GSG1L: variants seen among roughly 807,000 people sequenced by gnomAD.
GSG1L encodes the protein GSG1 like, also known as germ cell-specific gene 1-like protein.
A neutral mutation model predicts 42.1 loss-of-function variants in GSG1L; 24 were observed. That is an observed-to-expected ratio of 0.57 (90% CI 0.41 to 0.80). GSG1L has a LOEUF of 0.80. GSG1L is among the 30% of genes least tolerant of loss of function. The pLI, the probability that GSG1L is intolerant of heterozygous loss-of-function variation, is 0.00. For missense variants in GSG1L, 445 were observed against 472.2 expected (o/e 0.94, Z 0.53); for synonymous variants, 215 against 203.5 (o/e 1.06, Z -0.48).
At position 27,791,471 on chromosome 16, in the gene GSG1L, C is replaced by T; in HGVS notation, c.899-4G>A. On this transcript the variant is annotated splice_region_variant and splice_polypyrimidine_tract_variant and intron_variant, in intron 6 of 6. Coordinates refer to ENST00000447459, the MANE Select transcript of GSG1L (RefSeq NM_001109763.2). ...TCCGCCATGTGTGGCTGGTGTCCTG[C>T]CAGGAGACAAGGCGGTCAGTGCTGA... 4.1e-6 allele frequency: 6 copies of T among 1,475,490 alleles called. No individual in the cohort carries two copies. The highest frequency in any genetic ancestry group is 2.6e-5 in the East Asian group (1 of 39,012). 91.4% of individuals were successfully genotyped at this position (1,475,490 alleles called of 1,614,324 possible). A position where few individuals can be genotyped will look rare whatever the true frequency, so the allele number is the denominator to read the frequency against.
chr16:28,062,680 G>A (rs890126717), intron 1 of GSG1L, among the ~76,000 whole-genome samples: 4 of 152,174 alleles, frequency 2.6e-5, no homozygotes, highest in Admixed American at 2.0e-4. Flanking sequence ...GGTGGGTGGG[G>A]GCATCTAGTG....
At chr16:27,912,811 C>A (rs1033569891) in intron 2 of GSG1L, among the ~76,000 whole-genome samples, 1 of 151,960 alleles carries the variant, frequency 6.6e-6, no homozygotes, top group Non-Finnish European at 1.5e-5. Flanking sequence ...TTCATAATGG[C>A]ACAGTTTGAA....
chr16:27,870,421 CTCTG>C (rs767471474), intron 3 of GSG1L, among the ~76,000 whole-genome samples: 6 of 151,270 alleles, frequency 4.0e-5, no homozygotes, highest in South Asian at 2.1e-4. Context: ...CTCCTTCTCT[CTCTG>C]TCTGTCTCCA....
chr16:27,889,064 G>T (rs2084092423), intron 2 of GSG1L, among the ~76,000 whole-genome samples: 1 of 152,012 alleles, frequency 6.6e-6, no homozygotes, highest in South Asian at 2.1e-4. Flanking sequence ...GTTCACTGCA[G>T]CCACTAACTC....
chr16:28,015,932 C>T (rs1331946889), intron 1 of GSG1L, among the ~76,000 whole-genome samples: 1 of 152,208 alleles, frequency 6.6e-6, no homozygotes, highest in Non-Finnish European at 1.5e-5. Flanking sequence ...CTACAAAGTC[C>T]TTCCCACCTC....
At chr16:27,891,824 G>A (rs1043391469) in intron 2 of GSG1L, among the ~76,000 whole-genome samples, 1 of 145,362 alleles carries the variant, frequency 6.9e-6, no homozygotes, top group Admixed American at 7.0e-5. Flanking sequence ...TTTCATTCAA[G>A]TGTCTTCACT....
chr16:27,825,400 C>G (rs705910), intron 5 of GSG1L, among the ~76,000 whole-genome samples: 90,991 of 152,072 alleles, frequency 0.6, 27,815 homozygotes, highest in African/African-American at 0.71. Flanking sequence ...GCCAGGCATA[C>G]TGGCTCATGC....
Position 28,063,602 on chromosome 16 carries a change from G to A in GSG1L, c.-178C>T, listed in dbSNP as rs1266787338. Reference sequence around the variant, plus strand: ...CCCCCCAACCCCGGGGTGGGGGCGCGGCGCGGGGGGCGTGCGGGGCGGGCT... The same window carrying A: ...CCCCCCAACCCCGGGGTGGGGGCGCAGCGCGGGGGGCGTGCGGGGCGGGCT... On this transcript the variant is annotated 5_prime_UTR_variant, in exon 1 of 7. Coordinates refer to ENST00000447459, the MANE Select transcript of GSG1L (RefSeq NM_001109763.2). The surrounding 1 kb of genome is among the most constrained non-coding windows in gnomAD (Gnocchi z 5.8). 6.1e-6 allele frequency: 1 copy of A among 163,320 alleles called. No homozygotes were observed. The highest frequency in any genetic ancestry group is 1.2e-5 in the Non-Finnish European group (1 of 80,506). The allele number at this position is 163,320 out of a possible 1,614,324, so 10.1% of individuals were successfully genotyped here.
intron 1 of GSG1L, among the ~76,000 whole-genome samples, chr16:28,006,969 T>C (rs1286119338): frequency 6.6e-6 from 1 of 152,156 alleles, no homozygotes. Flanking sequence ...AGGGGTTATC[T>C]GCGCCTGGTC....
chr16:28,023,401 T>C (rs997300993), intron 1 of GSG1L, among the ~76,000 whole-genome samples: 2 of 152,262 alleles, frequency 1.3e-5, no homozygotes, highest in Non-Finnish European at 2.9e-5. Context: ...CTCATTTTTC[T>C]CTATTTTGAA....
chr16:27,941,332 C>A (rs1230955325), intron 2 of GSG1L, among the ~76,000 whole-genome samples: 1 of 151,438 alleles, frequency 6.6e-6, no homozygotes, highest in Non-Finnish European at 1.5e-5. Context: ...CACTGTGATT[C>A]AAAAATGGGC....
At chr16:27,910,707 A>G (rs1169407610) in intron 2 of GSG1L, among the ~76,000 whole-genome samples, 1 of 152,210 alleles carries the variant, frequency 6.6e-6, no homozygotes, top group Non-Finnish European at 1.5e-5. Context: ...AACCTGCCTC[A>G]GTCTACCCAA....
At chr16:27,874,331 G>A (rs2083858602) in intron 3 of GSG1L, among the ~76,000 whole-genome samples, 1 of 151,414 alleles carries the variant, frequency 6.6e-6, no homozygotes, top group Admixed American at 6.6e-5. Flanking sequence ...AGGAGGAGAG[G>A]GGACTGGAGA....
At chr16:28,008,287 C>T (rs1237858624) in intron 1 of GSG1L, among the ~76,000 whole-genome samples, 2 of 152,200 alleles carry the variant, frequency 1.3e-5, no homozygotes, top group African/African-American at 4.8e-5. Flanking sequence ...ACCATGTTGG[C>T]CAGGCTGGTC....
chr16:27,921,390 G>A (rs552404972), intron 2 of GSG1L, among the ~76,000 whole-genome samples: 2 of 152,094 alleles, frequency 1.3e-5, no homozygotes, highest in African/African-American at 4.8e-5. Flanking sequence ...GGTTGGTGCC[G>A]GTGTGTTGTT....
chr16:27,828,662 C>A (rs1325002173), intron 5 of GSG1L, 127 bp downstream of exon 5: 9 of 840,068 alleles, frequency 1.1e-5, no homozygotes, highest in Admixed American at 7.4e-5. Flanking sequence ...TCTTCTGCCT[C>A]CCCCCTCCAT....
chr16:27,977,654 AT>A lies in GSG1L; in HGVS notation c.350-14452del, dbSNP rs762163613. Among the ~76,000 whole-genome samples the A allele has an allele frequency of 3.6e-4, 55 of 150,930 alleles. 2 individuals are homozygous for A. Among genetic ancestry groups the A allele is most frequent in the Admixed American group, 7.9e-4 (12 of 15,144 alleles). On this transcript the variant is annotated intron_variant, in intron 1 of 6. Transcript: ENST00000447459. ...GTATCTCTAAAATCTTTTTTTAAACATTTTATTTATTATGGGAAATTTCCAT... is the reference window on the plus strand; with the variant it reads ...GTATCTCTAAAATCTTTTTTTAAACATTTATTTATTATGGGAAATTTCCAT...
chr16:27,984,412 A>G (rs1326149025), intron 1 of GSG1L, among the ~76,000 whole-genome samples: 17 of 152,122 alleles, frequency 1.1e-4, no homozygotes, highest in Admixed American at 1.1e-3. Context: ...TCTTTTGGAC[A>G]CTTTTGGCCC....
chr16:28,017,975 C>A (rs1413998200), intron 1 of GSG1L, among the ~76,000 whole-genome samples: 1 of 152,090 alleles, frequency 6.6e-6, no homozygotes, highest in Non-Finnish European at 1.5e-5. Flanking sequence ...TTTTATTATT[C>A]TTCTTAGACT....
Sources: gnomAD v4.1 joint callset for allele counts (sites outside exome capture counted in the v4.1 genomes callset) on GRCh38, gnomAD v4.1.1 for gene constraint, Gnocchi (gnomAD v3.1) non-coding constraint, MANE v1.5 for transcripts, NCBI Gene and HGNC (gene_info 2026-07-23, HGNC 2026-07-21) for gene names.